The following DAZAP1 variants were observed in gnomAD, a reference collection of about 807,000 sequenced individuals.
DAZAP1 encodes the protein DAZ-associated protein 1.
Under a neutral mutation model 60.1 loss-of-function variants are expected in DAZAP1, and 6 were observed. The ratio of observed to expected loss-of-function variants is 0.10; its 90% CI spans 0.05 to 0.20. The LOEUF (loss-of-function observed/expected upper bound fraction) is 0.20, where lower values mean the gene tolerates loss of function less well. DAZAP1 is among the 10% of genes least tolerant of loss of function. The probability of loss-of-function intolerance (pLI) is 1.00; values close to 1 mark genes in which losing one functional copy is unlikely to be tolerated. For missense variants in DAZAP1, 366 were observed against 560.4 expected, an observed-to-expected ratio of 0.65 and a Z score of 3.50; for synonymous variants, 235 against 215.9, an observed-to-expected ratio of 1.09 and a Z score of -0.78.
intron 8 of DAZAP1, among the ~76,000 whole-genome samples, chr19:1,429,698 G>A (rs577999070): frequency 1.3e-5 from 2 of 152,334 alleles, no homozygotes; most frequent in South Asian, 2.1e-4. Context: ...AGGTGGAGCC[G>A]GGAGGTCACC....
At chr19:1,413,579 A>G (rs1340822116) in intron 1 of DAZAP1, among the ~76,000 whole-genome samples, 1 of 152,226 alleles carries the variant, frequency 6.6e-6, no homozygotes, top group African/African-American at 2.4e-5. Context: ...CCTGAGTGGT[A>G]GTAAAAGACA....
chr19:1,408,111 C>T lies in DAZAP1; in HGVS notation c.29+309C>T, dbSNP rs1263294592. Reference sequence around the variant, plus strand: ...ACTTCCTGGTCGGGGGAACCCCGAACGGCAACCTGGGGGGGTGTCCTGGGG... The same window carrying T: ...ACTTCCTGGTCGGGGGAACCCCGAATGGCAACCTGGGGGGGTGTCCTGGGG... On this transcript the variant is annotated intron_variant, in intron 1 of 11. Transcript: ENST00000233078. 3.3e-5 allele frequency among the ~76,000 whole-genome samples: 5 copies of T among 151,488 alleles called. No homozygotes were observed. In the East Asian group the frequency reaches 7.8e-4, roughly 24 times the overall value.
rs1403419395 is a variant in DAZAP1, at chr19:1,434,829, T to C, written c.1141T>C (p.Ser381Pro). ...PSYGGPSVPGSGGPPAGGSGF... is the reference protein window; with the variant it reads ...PSYGGPSVPGPGGPPAGGSGF... Reference sequence around the variant, plus strand: ...CTACGGGGGTCCCTCCGTGCCAGGGTCGGGGGGCCCCCCCGCCGGCGGCAG... The same window carrying C: ...CTACGGGGGTCCCTCCGTGCCAGGGCCGGGGGGCCCCCCCGCCGGCGGCAG... Residue 381 changes from serine to proline, a missense_variant, in exon 12 of 12, where the codon TCG becomes CCG. Ser to Pro is a moderately conservative substitution (Grantham distance 74). Transcript: ENST00000233078. The surrounding 1 kb of genome is among the most constrained non-coding windows in gnomAD (Gnocchi z 8.0). 32 of 1,599,092 alleles carry C rather than the reference T, an allele frequency of 2.0e-5. No homozygotes were observed. The highest frequency in any genetic ancestry group is 2.5e-5 in the Non-Finnish European group (29 of 1,173,392).
chr19:1,432,804 AGG>A lies in DAZAP1; in HGVS notation c.1048+117_1048+118del. 7.8e-7 allele frequency: 1 copy of A among 1,283,344 alleles called. No individual in the cohort carries two copies. Among genetic ancestry groups the A allele is most frequent in the Non-Finnish European group, 1.1e-6 (1 of 930,616 alleles). 79.5% of individuals were successfully genotyped at this position (1,283,344 alleles called of 1,614,324 possible). On this transcript the variant is annotated intron_variant, in intron 11 of 11. Transcript: ENST00000233078. The surrounding 1 kb of genome is among the most constrained non-coding windows in gnomAD (Gnocchi z 4.9). ...CTCCCCAGCCTTTACCTGGTGGGAA[AGG>A]GGAGAGGGAGGAGAGGGGGGTGTGG...
At position 1,434,847 on chromosome 19, in the gene DAZAP1, G is replaced by A. The variant is rs780195006; in HGVS notation, c.1159G>A (p.Gly387Ser). The A allele has an allele frequency of 2.2e-5, 36 of 1,604,194 alleles. No homozygotes were observed. Among genetic ancestry groups the A allele is most frequent in the South Asian group, 1.0e-4 (9 of 90,418 alleles). Residue 387 changes from glycine (G) to serine (S), a missense_variant, in exon 12 of 12, where the codon GGC becomes AGC. Coordinates refer to ENST00000233078, the MANE Select transcript of DAZAP1 (RefSeq NM_018959.4). This position sits in a 1 kb window ranked among gnomAD's most constrained non-coding sequence, Gnocchi z 8.0. ...SVPGSGGPPA[G>S]GSGFGRGQNH... is the part of the protein sequence containing the mutation. ...GCCAGGGTCGGGGGGCCCCCCCGCC[G>A]GCGGCAGCGGCTTTGGACGAGGGCA... is the stretch of plus-strand genomic sequence containing the variant.
At position 1,415,353 on chromosome 19, in the gene DAZAP1, A is replaced by ATGTGTGTGTG. The variant is rs61360796; in HGVS notation, c.30-2119_30-2110dup. Among the ~76,000 whole-genome samples the ATGTGTGTGTG allele has an allele frequency of 8.2e-3, 893 of 109,370 alleles. 10 individuals carry two copies. The highest frequency in any genetic ancestry group is 0.027 in the East Asian group (101 of 3,802). The allele number at this position is 109,370 out of a possible 152,430, so 71.8% of individuals were successfully genotyped here. ...GATTTGGTTTGGTTTTCAGGGTTTTATGTGTGTGTGTGTGTGTGTGTGTGT... is the reference window on the plus strand; with the variant it reads ...GATTTGGTTTGGTTTTCAGGGTTTTATGTGTGTGTGTGTGTGTGTGTGTGTGTGTGTGTGT... On this transcript the variant is annotated intron_variant, in intron 1 of 11. Transcript: ENST00000233078.
Position 1,418,097 on chromosome 19 carries a change from G to T in DAZAP1, c.71-107G>T. On this transcript the variant is annotated intron_variant, in intron 2 of 11. Transcript: ENST00000233078. The surrounding 1 kb of genome is among the most constrained non-coding windows in gnomAD (Gnocchi z 5.7). ...CCCACCCCCAGTGCAGCATCGCTCG[G>T]TGCGTGGCTGGTGGACTGGAGGAGT... The T allele has an allele frequency of 8.4e-7, 1 of 1,194,782 alleles. No individual in the cohort carries two copies. 74.0% of individuals were successfully genotyped at this position (1,194,782 alleles called of 1,614,324 possible). A position where few individuals can be genotyped will look rare whatever the true frequency, so the allele number is the denominator to read the frequency against.
Position 1,418,063 on chromosome 19 carries a change from C to A in DAZAP1, c.71-141C>A, listed in dbSNP as rs987349339. 15 of 810,664 alleles carry A rather than the reference C, an allele frequency of 1.9e-5. No homozygotes were observed. The highest frequency in any genetic ancestry group is 3.1e-4 in the Middle Eastern group (1 of 3,176). The allele number at this position is 810,664 out of a possible 1,614,324, so 50.2% of individuals were successfully genotyped here. On this transcript the variant is annotated intron_variant, in intron 2 of 11. Transcript: ENST00000233078. The surrounding 1 kb of genome is among the most constrained non-coding windows in gnomAD (Gnocchi z 5.7). ...TTGGGCAGAATTCCCCAGCGCTTCC[C>A]GTACACCCCCCACCCCCAGTGCAGC...
In DAZAP1 at chr19:1,417,686, T is replaced by C. The variant is rs550931152; in HGVS notation, c.70+146T>C. 19 of 763,828 alleles carry C rather than the reference T, an allele frequency of 2.5e-5. No individual in the cohort carries two copies. The African/African-American group carries it at 2.8e-4, about 11-fold the overall frequency. The allele number at this position is 763,828 out of a possible 1,614,324, so 47.3% of individuals were successfully genotyped here. ...TCTGATTTCTGGGCAGGGGACAGAGTAAGTGTGTATTTGCTCTGAGACTGT... is the reference window on the plus strand; with the variant it reads ...TCTGATTTCTGGGCAGGGGACAGAGCAAGTGTGTATTTGCTCTGAGACTGT... On this transcript the variant is annotated intron_variant, in intron 2 of 11. Transcript: ENST00000233078.
chr19:1,419,085 GC>G (rs1356223917), intron 4 of DAZAP1, among the ~76,000 whole-genome samples: 1 of 152,236 alleles, frequency 6.6e-6, no homozygotes, highest in Non-Finnish European at 1.5e-5. Flanking sequence ...CCGGGGCTGG[GC>G]CGGGCTGTGT....
At chr19:1,409,924 G>T (rs777380454) in intron 1 of DAZAP1, 6 of 152,426 alleles carry the variant, frequency 3.9e-5, no homozygotes, top group Non-Finnish European at 8.8e-5. Flanking sequence ...TGCCATGGAG[G>T]AGGCAGGAGA....
intron 5 of DAZAP1, among the ~76,000 whole-genome samples, chr19:1,421,824 C>T (rs1007024884): frequency 4.6e-5 from 7 of 152,198 alleles, no homozygotes; most frequent in South Asian, 4.1e-4. Context: ...CTGAGTACTG[C>T]GCACGTTCAT....
Position 1,430,719 on chromosome 19 carries a change from ATTG to A in DAZAP1, c.871+360_871+362del, listed in dbSNP as rs1363888317. Among the ~76,000 whole-genome samples, 359 of 149,370 alleles carry A rather than the reference ATTG, an allele frequency of 2.4e-3. 5 individuals are homozygous for A. Among genetic ancestry groups the A allele is most frequent in the African/African-American group, 8.6e-3 (346 of 40,252 alleles). ...TTTGTTTAAGGGTGTACAAGCTCTA[ATTG>A]TTTTTTTTTTTTTTTTGAGATGGAG... On this transcript the variant is annotated intron_variant, in intron 10 of 11. Coordinates refer to ENST00000233078, the MANE Select transcript of DAZAP1 (RefSeq NM_018959.4).
rs188609271 is a variant in DAZAP1, at chr19:1,418,486, C to G, written c.237+116C>G. On this transcript the variant is annotated intron_variant, in intron 3 of 11. Coordinates refer to ENST00000233078, the MANE Select transcript of DAZAP1 (RefSeq NM_018959.4). The surrounding 1 kb of genome is among the most constrained non-coding windows in gnomAD (Gnocchi z 5.7). ...GTTAGAGTATGTTTGAACGTGGGGT[C>G]GATTGGGAAGGATTAAGCCTTGGTG... 1.0e-5 allele frequency: 15 copies of G among 1,448,058 alleles called. No individual in the cohort carries two copies. The highest frequency in any genetic ancestry group is 4.3e-4 in the Middle Eastern group (2 of 4,606). The allele number at this position is 1,448,058 out of a possible 1,614,324, so 89.7% of individuals were successfully genotyped here.
At chr19:1,407,883 C>T (rs2082709673) in intron 1 of DAZAP1, 81 bp downstream of exon 1, 3 of 1,023,812 alleles carry the variant, frequency 2.9e-6, no homozygotes, top group Non-Finnish European at 3.5e-6. Flanking sequence ...AGACGCCGCC[C>T]CCCGGGGCCG....
At chr19:1,413,228 C>T (rs2082879170) in intron 1 of DAZAP1, among the ~76,000 whole-genome samples, 1 of 152,246 alleles carries the variant, frequency 6.6e-6, no homozygotes, top group Non-Finnish European at 1.5e-5. Flanking sequence ...GAGCCAGCAG[C>T]TCCTCCTTTT....
chr19:1,432,913 A>ACAG lies in DAZAP1; in HGVS notation c.1048+227_1048+229dup, dbSNP rs1357973986. 1 of 563,820 alleles carries ACAG rather than the reference A, an allele frequency of 1.8e-6. No homozygotes were observed. The highest frequency in any genetic ancestry group is 3.1e-6 in the Non-Finnish European group (1 of 320,812). 34.9% of individuals were successfully genotyped at this position (563,820 alleles called of 1,614,324 possible). A position where few individuals can be genotyped will look rare whatever the true frequency, so the allele number is the denominator to read the frequency against. On this transcript the variant is annotated intron_variant, in intron 11 of 11. Coordinates refer to ENST00000233078, the MANE Select transcript of DAZAP1 (RefSeq NM_018959.4). This position sits in a 1 kb window ranked among gnomAD's most constrained non-coding sequence, Gnocchi z 4.9. Reference sequence around the variant, plus strand: ...CTTGTCGCAGCAGAGCACTCGTCATACAGCAGGTGCTGCAGGGCCTGCATG... The same window carrying ACAG: ...CTTGTCGCAGCAGAGCACTCGTCATACAGCAGCAGGTGCTGCAGGGCCTGCATG...
Position 1,432,920 on chromosome 19 carries a change from G to A in DAZAP1, c.1048+230G>A. On this transcript the variant is annotated intron_variant, in intron 11 of 11. Coordinates refer to ENST00000233078, the MANE Select transcript of DAZAP1 (RefSeq NM_018959.4). This position sits in a 1 kb window ranked among gnomAD's most constrained non-coding sequence, Gnocchi z 4.9. ...CAGCAGAGCACTCGTCATACAGCAGGTGCTGCAGGGCCTGCATGTGTGGGA... is the reference window on the plus strand; with the variant it reads ...CAGCAGAGCACTCGTCATACAGCAGATGCTGCAGGGCCTGCATGTGTGGGA... 1.8e-6 allele frequency: 1 copy of A among 550,062 alleles called. No individual in the cohort carries two copies. 34.1% of individuals were successfully genotyped at this position (550,062 alleles called of 1,614,324 possible).
chr19:1,425,251 A>G lies in DAZAP1; in HGVS notation c.464-627A>G, dbSNP rs574573314. ...TGTTGCGTAAGCCTAGCGAGGCACC[A>G]GCTATGATAGATACTGTATCTGTTA... On this transcript the variant is annotated intron_variant, in intron 6 of 11. Transcript: ENST00000233078. The surrounding 1 kb of genome is among the most constrained non-coding windows in gnomAD (Gnocchi z 5.4). Among the ~76,000 whole-genome samples the G allele has an allele frequency of 2.2e-4, 34 of 152,334 alleles. No homozygotes were observed. Among genetic ancestry groups the G allele is most frequent in the Non-Finnish European group, 4.7e-4 (32 of 68,034 alleles).
Sources: allele counts gnomAD v4.1 joint callset (sites outside exome capture counted in the v4.1 genomes callset), GRCh38; gene constraint gnomAD v4.1.1; non-coding constraint Gnocchi (gnomAD v3.1); transcripts MANE v1.5; gene names NCBI Gene and HGNC (gene_info 2026-07-23, HGNC 2026-07-21).